The following DPP6 variants were observed in gnomAD, a reference collection of about 807,000 sequenced individuals.
DPP6 encodes dipeptidyl peptidase like 6.
A neutral mutation model predicts 122.6 loss-of-function variants in DPP6; 69 were observed. That is an observed-to-expected ratio of 0.56 (90% CI 0.46 to 0.69). The LOEUF is 0.69. Among genes scored for constraint, DPP6 ranks in the 30% least tolerant of loss-of-function variants. DPP6 has a pLI of 0.00. For synonymous variants in DPP6, 418 were observed against 433.1 expected (o/e 0.97, Z 0.43); for missense variants, 928 against 1,116.9 (o/e 0.83, Z 2.41).
intron 1 of DPP6, among the ~76,000 whole-genome samples, chr7:153,983,424 C>T (rs1477845805): frequency 6.6e-6 from 1 of 152,236 alleles, no homozygotes; most frequent in Non-Finnish European, 1.5e-5. Flanking sequence ...CCCAGGTCAA[C>T]TTCAGACGGC....
chr7:154,301,411 C>A (rs1436010830), intron 1 of DPP6, among the ~76,000 whole-genome samples: 1 of 152,120 alleles, frequency 6.6e-6, no homozygotes, highest in Non-Finnish European at 1.5e-5. Flanking sequence ...GCTTTTCCTG[C>A]AGCCCGTAGT....
intron 4 of DPP6, among the ~76,000 whole-genome samples, chr7:154,558,698 T>C (rs184965780): frequency 2.6e-5 from 4 of 152,376 alleles, no homozygotes; most frequent in Admixed American, 2.0e-4. Flanking sequence ...GGCCTAGGTG[T>C]GGAGTAGGCT....
chr7:154,444,250 G>A (rs868306241), intron 1 of DPP6, among the ~76,000 whole-genome samples: 1 of 151,674 alleles, frequency 6.6e-6, no homozygotes, highest in East Asian at 1.9e-4. Context: ...AAGGTCAGGA[G>A]ATTAAGACCA....
the DPP6 span, among the ~76,000 whole-genome samples, chr7:153,764,090 T>C: frequency 1.3e-5 from 2 of 152,206 alleles, no homozygotes; most frequent in Non-Finnish European, 2.9e-5. Flanking sequence ...GAAGATAACA[T>C]AGCTTTTTTT....
At position 154,892,902 on chromosome 7, in the gene DPP6, C is replaced by T. The variant is rs779776497; in HGVS notation, c.*422C>T. ...GTTAGGGACATCACACCCTGTCTCACGTCGCAGTGCCATGGACGCAGCAGT... is the reference window on the plus strand; with the variant it reads ...GTTAGGGACATCACACCCTGTCTCATGTCGCAGTGCCATGGACGCAGCAGT... On this transcript the variant is annotated 3_prime_UTR_variant, in exon 26 of 26. Coordinates refer to ENST00000377770, the MANE Select transcript of DPP6 (RefSeq NM_130797.4). 2.1e-5 allele frequency: 11 copies of T among 525,370 alleles called. No individual in the cohort carries two copies. The East Asian group carries it at 4.3e-4, about 20-fold the overall frequency. The allele number at this position is 525,370 out of a possible 1,614,324, so 32.5% of individuals were successfully genotyped here. A position where few individuals can be genotyped will look rare whatever the true frequency, so the allele number is the denominator to read the frequency against.
the DPP6 span, among the ~76,000 whole-genome samples, chr7:153,829,036 G>A: frequency 6.6e-6 from 1 of 152,168 alleles, no homozygotes; most frequent in Non-Finnish European, 1.5e-5. Context: ...ATACATCATG[G>A]TTGTGCATTT....
intron 1 of DPP6, among the ~76,000 whole-genome samples, chr7:154,123,132 A>G (rs1454737304): frequency 6.6e-6 from 1 of 152,202 alleles, no homozygotes; most frequent in Non-Finnish European, 1.5e-5. Flanking sequence ...ACAAACCATA[A>G]TAAAGAATAT....
At chr7:153,819,484 G>C in the DPP6 span, among the ~76,000 whole-genome samples, 8 of 151,580 alleles carry the variant, frequency 5.3e-5, no homozygotes, top group Admixed American at 3.3e-4. Flanking sequence ...GGACTGAAAC[G>C]TCCTGCAGCT....
intron 5 of DPP6, among the ~76,000 whole-genome samples, chr7:154,574,639 GGT>G (rs1831380983): frequency 1.5e-5 from 2 of 136,942 alleles, no homozygotes; most frequent in South Asian, 2.5e-4. Context: ...GTGTGTGTGT[GGT>G]GTGTGTGGTG....
In DPP6 at chr7:153,995,621, C is replaced by T. The variant is rs552078729; in HGVS notation, c.51+107887C>T. On this transcript the variant is annotated intron_variant, in intron 1 of 25. Transcript: ENST00000404039. Reference sequence around the variant, plus strand: ...AAAAAAAAAAAAAGAATGAAGAAGGCAGATGCAATGTGACAGAGATTTACT... The same window carrying T: ...AAAAAAAAAAAAAGAATGAAGAAGGTAGATGCAATGTGACAGAGATTTACT... 5.5e-5 allele frequency among the ~76,000 whole-genome samples: 8 copies of T among 145,990 alleles called. No individual in the cohort carries two copies. The South Asian group carries it at 1.7e-3, about 32-fold the overall frequency.
At chr7:154,542,511 A>G (rs902335966) in intron 4 of DPP6, among the ~76,000 whole-genome samples, 1 of 152,194 alleles carries the variant, frequency 6.6e-6, no homozygotes, top group East Asian at 1.9e-4. Flanking sequence ...TTCTCTTTCT[A>G]AAATCAATAG....
rs74938828 is a variant in DPP6, at chr7:154,688,993, G to T, written c.762+19552G>T. ...ATTTACTTCCAATAATTGATCTGTG[G>T]TTTCTTTTGGATCTTGTATTTAGAT... On this transcript the variant is annotated intron_variant, in intron 7 of 25. Transcript: ENST00000377770. Among the ~76,000 whole-genome samples, 111 of 152,230 alleles carry T rather than the reference G, an allele frequency of 7.3e-4. 2 individuals carry two copies. In the East Asian group the frequency reaches 0.02, roughly 27 times the overall value.
At chr7:154,777,896 A>G (rs574874817) in intron 10 of DPP6, among the ~76,000 whole-genome samples, 2 of 152,108 alleles carry the variant, frequency 1.3e-5, no homozygotes, top group South Asian at 4.2e-4. Context: ...TCTCACTTTC[A>G]TTTTCTTTTG....
chr7:153,871,356 G>A, the DPP6 span, among the ~76,000 whole-genome samples: 2 of 152,148 alleles, frequency 1.3e-5, no homozygotes, highest in African/African-American at 2.4e-5. Context: ...AATGGTGGGC[G>A]CCCCTCCCCC....
At chr7:154,477,099 T>C (rs1344571816) in intron 3 of DPP6, among the ~76,000 whole-genome samples, 1 of 152,148 alleles carries the variant, frequency 6.6e-6, no homozygotes, top group Non-Finnish European at 1.5e-5. Flanking sequence ...GTGAACTCTT[T>C]GGTATTTGTC....
At chr7:153,885,277 C>T (rs1381766779), upstream of DPP6, among the ~76,000 whole-genome samples, 1 of 152,096 alleles carries the variant, frequency 6.6e-6, no homozygotes, top group Non-Finnish European at 1.5e-5. Context: ...GTGACCTGTA[C>T]TCTAAGTGTT....
At position 154,008,653 on chromosome 7, in the gene DPP6, CTTTTCT is replaced by C. The variant is rs1430550822; in HGVS notation, c.51+120924_51+120929del. Among the ~76,000 whole-genome samples, 1,050 of 140,496 alleles carry C rather than the reference CTTTTCT, an allele frequency of 7.5e-3. 4 individuals are homozygous for C. Among genetic ancestry groups the C allele is most frequent in the East Asian group, 0.033 (155 of 4,666 alleles). The allele number at this position is 140,496 out of a possible 152,430, so 92.2% of individuals were successfully genotyped here. A position where few individuals can be genotyped will look rare whatever the true frequency, so the allele number is the denominator to read the frequency against. On this transcript the variant is annotated intron_variant, in intron 1 of 25. Transcript: ENST00000404039. Reference sequence around the variant, plus strand: ...AGTACAGTAATTAGGAATATTATTTCTTTTCTTTTTTTTTTTTTTTTTTTTTGAGAC... The same window carrying C: ...AGTACAGTAATTAGGAATATTATTTCTTTTTTTTTTTTTTTTTTTTGAGAC...
chr7:153,939,884 T>C (rs1486908125), intron 1 of DPP6, among the ~76,000 whole-genome samples: 1 of 152,238 alleles, frequency 6.6e-6, no homozygotes, highest in Non-Finnish European at 1.5e-5. Context: ...GATCAGTTGA[T>C]AACATGGCAG....
chr7:153,905,533 GTTCT>G (rs1799813525), intron 1 of DPP6, among the ~76,000 whole-genome samples: 6 of 151,966 alleles, frequency 3.9e-5, no homozygotes, highest in Non-Finnish European at 1.5e-5. Flanking sequence ...GAGAAAGATG[GTTCT>G]CTCACATTGT....
Sources: allele counts gnomAD v4.1 joint callset (sites outside exome capture counted in the v4.1 genomes callset), GRCh38; gene constraint gnomAD v4.1.1; transcripts MANE v1.5; gene names NCBI Gene and HGNC (gene_info 2026-07-23, HGNC 2026-07-21).